SCAND3: variants seen among roughly 807,000 people sequenced by gnomAD.
SCAND3 encodes SCAN domain-containing protein 3.
At chr6:28,590,863 G>T in the SCAND3 span, 1 of 152,126 alleles carries the variant, frequency 6.6e-6, no homozygotes, top group Admixed American at 6.5e-5. Flanking sequence ...ACTTCATATG[G>T]TCTGTAATGG....
the SCAND3 span, among the ~76,000 whole-genome samples, chr6:28,580,450 A>C: frequency 6.6e-6 from 1 of 152,228 alleles, no homozygotes; most frequent in Non-Finnish European, 1.5e-5. Flanking sequence ...TCAAAAAAAA[A>C]AAAAAAATTC....
chr6:28,579,708 GATGACTGAAAAAAATTGTAA>G, the SCAND3 span, among the ~76,000 whole-genome samples: 17 of 152,280 alleles, frequency 1.1e-4, no homozygotes, highest in Non-Finnish European at 2.2e-4. This position sits in a 1 kb window ranked among gnomAD's most constrained non-coding sequence, Gnocchi z 4.5. Context: ...CCTAAACCGT[GATGACTGAAAAAAATTGTAA>G]ATGAGTTCCA....
chr6:28,610,732 T>C, the SCAND3 span, among the ~76,000 whole-genome samples: 1,985 of 152,292 alleles, frequency 0.013, 21 homozygotes, highest in Non-Finnish European at 0.021. Flanking sequence ...TTACACATCA[T>C]AAATATTTAC....
At chr6:28,586,747 C>T in the SCAND3 span, 27 of 1,590,298 alleles carry the variant, frequency 1.7e-5, no homozygotes, top group Non-Finnish European at 2.2e-5. This position sits in a 1 kb window ranked among gnomAD's most constrained non-coding sequence, Gnocchi z 4.4. Flanking sequence ...GGCAAAGGTT[C>T]TCTCCAGTTG....
the SCAND3 span, among the ~76,000 whole-genome samples, chr6:28,583,113 T>C: frequency 2.6e-5 from 4 of 151,388 alleles, no homozygotes; most frequent in Admixed American, 1.3e-4. Flanking sequence ...CAAAGGTGGG[T>C]CGGGCACGGT....
chr6:28,607,229 C>G, the SCAND3 span, among the ~76,000 whole-genome samples: 4 of 152,184 alleles, frequency 2.6e-5, no homozygotes, highest in African/African-American at 7.2e-5. Context: ...GCACCTCCAC[C>G]AGTTTTGGGA....
At chr6:28,593,821 C>G in the SCAND3 span, among the ~76,000 whole-genome samples, 2 of 152,212 alleles carry the variant, frequency 1.3e-5, no homozygotes, top group Non-Finnish European at 2.9e-5. Context: ...CCCCTTGCCT[C>G]GGCTTCCCAA....
the SCAND3 span, among the ~76,000 whole-genome samples, chr6:28,610,556 A>C: frequency 1.3e-5 from 2 of 152,132 alleles, no homozygotes; most frequent in African/African-American, 4.8e-5. Context: ...GAGGGAAGGA[A>C]GGAAGGAAGG....
chr6:28,604,440 A>G, the SCAND3 span, among the ~76,000 whole-genome samples: 13 of 151,996 alleles, frequency 8.6e-5, no homozygotes, highest in African/African-American at 3.1e-4. Flanking sequence ...AACAAGGTGA[A>G]ACCCGTCTCT....
chr6:28,587,469 T>C, the SCAND3 span: 5 of 152,360 alleles, frequency 3.3e-5, no homozygotes. Flanking sequence ...TACCTAGTTA[T>C]CTGGCATCAC....
At chr6:28,590,299 C>G in the SCAND3 span, 1 of 152,234 alleles carries the variant, frequency 6.6e-6, no homozygotes, top group Non-Finnish European at 1.5e-5. Context: ...TGACCGAGTC[C>G]TCCCCAGACA....
chr6:28,586,773 G>A, the SCAND3 span: 1 of 1,484,966 alleles, frequency 6.7e-7, no homozygotes, highest in African/African-American at 1.4e-5. The surrounding 1 kb of genome is among the most constrained non-coding windows in gnomAD (Gnocchi z 4.4). Flanking sequence ...TAGGCAAATG[G>A]GTGATTTTAC....
the SCAND3 span, chr6:28,572,434 T>C: frequency 1.2e-6 from 2 of 1,613,272 alleles, no homozygotes; most frequent in Admixed American, 3.3e-5. This position sits in a 1 kb window ranked among gnomAD's most constrained non-coding sequence, Gnocchi z 4.1. Flanking sequence ...AAACATGTCA[T>C]AACAATCTGT....
At chr6:28,605,940 A>G in the SCAND3 span, among the ~76,000 whole-genome samples, 1 of 152,246 alleles carries the variant, frequency 6.6e-6, no homozygotes, top group South Asian at 2.1e-4. Context: ...ATTTTTCATT[A>G]AAGAAGACTA....
At chr6:28,615,593 T>TC in the SCAND3 span, among the ~76,000 whole-genome samples, 1 of 71,342 alleles carries the variant, frequency 1.4e-5, no homozygotes, top group African/African-American at 5.0e-5. Flanking sequence ...AGAGAGAGAC[T>TC]CCATCTCAAA....
the SCAND3 span, chr6:28,572,423 G>T: frequency 6.2e-7 from 1 of 1,613,316 alleles, no homozygotes; most frequent in South Asian, 1.1e-5. This position sits in a 1 kb window ranked among gnomAD's most constrained non-coding sequence, Gnocchi z 4.1. Context: ...GTTAAATTAT[G>T]AAACATGTCA....
chr6:28,586,820 T>C, the SCAND3 span: 1 of 1,008,204 alleles, frequency 9.9e-7, no homozygotes, highest in Non-Finnish European at 1.4e-6. The surrounding 1 kb of genome is among the most constrained non-coding windows in gnomAD (Gnocchi z 4.4). Flanking sequence ...GGAAAGTTTT[T>C]GATATAAGAA....
the SCAND3 span, among the ~76,000 whole-genome samples, chr6:28,599,691 C>T: frequency 6.6e-6 from 1 of 152,226 alleles, no homozygotes. Flanking sequence ...CTACATGGAA[C>T]TGTAAGTCCA....
the SCAND3 span, among the ~76,000 whole-genome samples, chr6:28,609,953 A>T: frequency 1.3e-5 from 2 of 152,174 alleles, no homozygotes; most frequent in Non-Finnish European, 2.9e-5. Flanking sequence ...AGTCCAGGCA[A>T]GTTGGCACAT....
Sources: gnomAD v4.1 joint callset for allele counts (sites outside exome capture counted in the v4.1 genomes callset) on GRCh38, gnomAD v4.1.1 for gene constraint, Gnocchi (gnomAD v3.1) non-coding constraint, MANE v1.5 for transcripts, NCBI Gene and HGNC (gene_info 2026-07-23, HGNC 2026-07-21) for gene names.